The following C8orf34 variants were observed in gnomAD, a reference collection of about 807,000 sequenced individuals.
C8orf34 encodes chromosome 8 open reading frame 34.
Under a neutral mutation model 68.3 loss-of-function variants are expected in C8orf34, and 65 were observed. The observed-to-expected ratio is 0.95, with a 90% CI of 0.78 to 1.17. C8orf34 has a LOEUF of 1.17. C8orf34 is among the 50% of genes most tolerant of loss of function. C8orf34 has a pLI of 0.00. For missense variants in C8orf34, 664 were observed against 655.4 expected (o/e 1.01, Z -0.14); for synonymous variants, 244 against 241.2 (o/e 1.01, Z -0.11).
At chr8:68,710,140 C>T (rs1259831608) in intron 9 of C8orf34, among the ~76,000 whole-genome samples, 1 of 152,096 alleles carries the variant, frequency 6.6e-6, no homozygotes, top group Non-Finnish European at 1.5e-5. Context: ...ATTGCGGCTC[C>T]CACTCGGACA....
At chr8:68,815,815 G>A (rs773031325) in intron 12 of C8orf34, 71 bp from the exon 13 acceptor site, 131 of 1,611,896 alleles carry the variant, frequency 8.1e-5, no homozygotes, top group Non-Finnish European at 9.8e-5. Context: ...TGGCTAAAGC[G>A]CTAGGGAATG....
At chr8:68,599,395 C>T (rs888648304) in intron 7 of C8orf34, among the ~76,000 whole-genome samples, 4 of 151,438 alleles carry the variant, frequency 2.6e-5, no homozygotes, top group African/African-American at 7.3e-5. Flanking sequence ...AAATCTTAGC[C>T]GAAAGTAATC....
intron 8 of C8orf34, among the ~76,000 whole-genome samples, chr8:68,706,319 G>C (rs962792802): frequency 2.0e-5 from 3 of 152,170 alleles, no homozygotes; most frequent in African/African-American, 7.2e-5. Context: ...AGCAGGAGGG[G>C]ACACTCCCTT....
At chr8:68,661,679 C>G (rs1481474808) in intron 8 of C8orf34, among the ~76,000 whole-genome samples, 1 of 152,130 alleles carries the variant, frequency 6.6e-6, no homozygotes, top group Non-Finnish European at 1.5e-5. Context: ...CCCCATTCCC[C>G]TAGGGCTCAT....
chr8:68,689,818 G>T (rs1397772035), intron 8 of C8orf34, among the ~76,000 whole-genome samples: 6 of 151,846 alleles, frequency 4.0e-5, no homozygotes, highest in Admixed American at 1.3e-4. Flanking sequence ...CTTCCAATTG[G>T]GTGCCTTCCC....
At chr8:68,813,939 C>G (rs1394323772) in intron 12 of C8orf34, among the ~76,000 whole-genome samples, 2 of 152,056 alleles carry the variant, frequency 1.3e-5, no homozygotes, top group African/African-American at 2.4e-5. Context: ...ATACTTTTTT[C>G]TTATCAAATG....
At chr8:68,619,125 T>C (rs993097265) in intron 7 of C8orf34, among the ~76,000 whole-genome samples, 2 of 151,978 alleles carry the variant, frequency 1.3e-5, no homozygotes, top group Admixed American at 1.3e-4. Context: ...CTCAGGAGTT[T>C]GAGACCAGCC....
chr8:68,487,332 A>C (rs939671818), intron 4 of C8orf34, among the ~76,000 whole-genome samples: 17 of 152,220 alleles, frequency 1.1e-4, no homozygotes. Context: ...CATTTCAGTA[A>C]AGTGGAATTG....
chr8:68,345,833 A>G (rs1806260334), intron 1 of C8orf34, among the ~76,000 whole-genome samples: 2 of 152,006 alleles, frequency 1.3e-5, no homozygotes, highest in South Asian at 4.1e-4. Flanking sequence ...AAATTTATAC[A>G]TTTAAAAAAT....
At chr8:68,402,293 CTCT>C (rs1808994060) in intron 1 of C8orf34, among the ~76,000 whole-genome samples, 1 of 151,996 alleles carries the variant, frequency 6.6e-6, no homozygotes, top group African/African-American at 2.4e-5. Flanking sequence ...TGAATCATCG[CTCT>C]TCTTTTCTTG....
intron 8 of C8orf34, among the ~76,000 whole-genome samples, chr8:68,648,820 T>C (rs1819257187): frequency 6.6e-6 from 1 of 152,210 alleles, no homozygotes; most frequent in African/African-American, 2.4e-5. Context: ...CTAAATATCA[T>C]GGGATTAATA....
intron 3 of C8orf34, among the ~76,000 whole-genome samples, chr8:68,454,938 T>C (rs1206090389): frequency 6.6e-6 from 1 of 151,840 alleles, no homozygotes; most frequent in Non-Finnish European, 1.5e-5. Context: ...AGGTTCGGTA[T>C]GTTGTTTTCA....
At chr8:68,727,656 G>A (rs1821871305) in intron 10 of C8orf34, among the ~76,000 whole-genome samples, 1 of 152,244 alleles carries the variant, frequency 6.6e-6, no homozygotes, top group South Asian at 2.1e-4. Flanking sequence ...CTAGGCAGAA[G>A]TTCCCAAACC....
intron 6 of C8orf34, among the ~76,000 whole-genome samples, chr8:68,526,685 T>TAAAAA (rs1586320115): frequency 1.7e-5 from 1 of 57,698 alleles, no homozygotes; most frequent in African/African-American, 7.4e-5. Context: ...ATGACTGGAG[T>TAAAAA]CAAAAAAAAA....
chr8:68,790,454 A>G (rs1417762791), intron 12 of C8orf34, among the ~76,000 whole-genome samples: 2 of 152,226 alleles, frequency 1.3e-5, no homozygotes, highest in African/African-American at 2.4e-5. Context: ...TCATCTTGGC[A>G]GATAGCTTCC....
At chr8:68,708,258 A>G (rs1821227629) in intron 8 of C8orf34, among the ~76,000 whole-genome samples, 1 of 152,230 alleles carries the variant, frequency 6.6e-6, no homozygotes, top group African/African-American at 2.4e-5. Flanking sequence ...GTAATTATAC[A>G]AAAGATCAAG....
chr8:68,614,076 C>T (rs1267453617), intron 7 of C8orf34, among the ~76,000 whole-genome samples: 4 of 152,168 alleles, frequency 2.6e-5, no homozygotes, highest in African/African-American at 7.2e-5. Flanking sequence ...TTTTTGGCTG[C>T]ATAAATTCTT....
chr8:68,671,224 A>G (rs1819998105), intron 8 of C8orf34, among the ~76,000 whole-genome samples: 1 of 152,198 alleles, frequency 6.6e-6, no homozygotes, highest in Non-Finnish European at 1.5e-5. Context: ...TTTTGAATCC[A>G]CATATTTTTA....
At chr8:68,707,026 G>C (rs898631519) in intron 8 of C8orf34, among the ~76,000 whole-genome samples, 1 of 152,124 alleles carries the variant, frequency 6.6e-6, no homozygotes, top group African/African-American at 2.4e-5. Flanking sequence ...AGAAAGCAAA[G>C]CAAAAAGCTT....
Sources: allele counts gnomAD v4.1 joint callset (sites outside exome capture counted in the v4.1 genomes callset), GRCh38; gene constraint gnomAD v4.1.1; transcripts MANE v1.5; gene names NCBI Gene and HGNC (gene_info 2026-07-23, HGNC 2026-07-21).